The following EPB41L3 variants were observed in gnomAD, a reference collection of about 807,000 sequenced individuals.
The protein encoded by EPB41L3 is band 4.1-like protein 3.
Under a neutral mutation model 127.1 loss-of-function variants are expected in EPB41L3, and 57 were observed. The ratio of observed to expected loss-of-function variants is 0.45; its 90% CI spans 0.36 to 0.56. The LOEUF (loss-of-function observed/expected upper bound fraction) is 0.56. Among genes scored for constraint, EPB41L3 ranks in the 20% least tolerant of loss-of-function variants. The pLI is 0.00. For missense variants in EPB41L3, 1,273 were observed against 1,372.2 expected (o/e 0.93, Z 1.14); for synonymous variants, 572 against 549.5 (o/e 1.04, Z -0.57).
chr18:5,611,204 CAGT>C (rs1189244400), intron 3 of EPB41L3, among the ~76,000 whole-genome samples: 2 of 152,174 alleles, frequency 1.3e-5, no homozygotes, highest in African/African-American at 4.8e-5. Context: ...CACATGTACA[CAGT>C]AGAATTATTT....
At chr18:5,424,965 T>C (rs1048804578) in intron 9 of EPB41L3, among the ~76,000 whole-genome samples, 1 of 152,206 alleles carries the variant, frequency 6.6e-6, no homozygotes, top group Non-Finnish European at 1.5e-5. Flanking sequence ...TATTTTCATA[T>C]TTTTCAGCAT....
intron 3 of EPB41L3, among the ~76,000 whole-genome samples, chr18:5,463,341 C>T (rs1449193469): frequency 1.3e-5 from 2 of 152,190 alleles, no homozygotes; most frequent in South Asian, 2.1e-4. Context: ...TCAAGCTTTC[C>T]TTCCTCCCTG....
intron 3 of EPB41L3, among the ~76,000 whole-genome samples, chr18:5,456,633 T>C (rs189276460): frequency 3.4e-4 from 52 of 152,360 alleles, no homozygotes; most frequent in Middle Eastern, 3.4e-3. Context: ...GTATACTTTT[T>C]GGTTTTTGTT....
chr18:5,544,293 G>C (rs1598876869), upstream of EPB41L3: 1 of 985,500 alleles, frequency 1.0e-6, no homozygotes, highest in African/African-American at 1.7e-5. Context: ...TTCCCACTTA[G>C]ATGATGGCCT....
chr18:5,587,272 C>T (rs1262095251), intron 3 of EPB41L3, among the ~76,000 whole-genome samples: 1 of 152,066 alleles, frequency 6.6e-6, no homozygotes, highest in African/African-American at 2.4e-5. Context: ...TTAGCTTTTG[C>T]ACGTTCTTTT....
intron 1 of EPB41L3, among the ~76,000 whole-genome samples, chr18:5,622,634 A>T (rs1049847449): frequency 6.6e-6 from 1 of 152,210 alleles, no homozygotes; most frequent in African/African-American, 2.4e-5. Context: ...CAACCTAAAA[A>T]AGGCACCCAA....
intron 3 of EPB41L3, among the ~76,000 whole-genome samples, chr18:5,457,527 T>G (rs1182656710): frequency 6.6e-6 from 1 of 152,060 alleles, no homozygotes; most frequent in Non-Finnish European, 1.5e-5. Flanking sequence ...AACTTCTGTT[T>G]TTACCATTGA....
At chr18:5,614,245 C>T (rs2094764966) in intron 2 of EPB41L3, 1 of 152,206 alleles carries the variant, frequency 6.6e-6, no homozygotes, top group Admixed American at 6.5e-5. Context: ...TACTTTTCCA[C>T]CACTTTGATC....
At chr18:5,616,241 A>G (rs2094793922) in intron 1 of EPB41L3, among the ~76,000 whole-genome samples, 1 of 151,752 alleles carries the variant, frequency 6.6e-6, no homozygotes, top group South Asian at 2.1e-4. Context: ...TGCCTGCTGC[A>G]CTCTTTCTCC....
At chr18:5,528,158 T>A (rs1192099319) in intron 1 of EPB41L3, among the ~76,000 whole-genome samples, 1 of 151,850 alleles carries the variant, frequency 6.6e-6, no homozygotes, top group Non-Finnish European at 1.5e-5. Context: ...GATTTAGCAA[T>A]TTAGGGTTGT....
At chr18:5,554,364 T>C (rs886301535) in intron 3 of EPB41L3, among the ~76,000 whole-genome samples, 4 of 152,192 alleles carry the variant, frequency 2.6e-5, no homozygotes, top group African/African-American at 9.6e-5. Context: ...TTATAAAATA[T>C]GGGACTCTTT....
At chr18:5,432,942 T>C (rs920012405) in intron 8 of EPB41L3, among the ~76,000 whole-genome samples, 3 of 152,224 alleles carry the variant, frequency 2.0e-5, no homozygotes, top group South Asian at 2.1e-4. Context: ...GCCTGGTATG[T>C]ATGAAGGTAG....
intron 3 of EPB41L3, among the ~76,000 whole-genome samples, chr18:5,571,956 CTCTTGGCTA>C (rs1394022748): frequency 3.3e-5 from 5 of 152,232 alleles, no homozygotes; most frequent in African/African-American, 1.2e-4. Context: ...CTGCATTTCA[CTCTTGGCTA>C]GACCTGCGTA....
chr18:5,570,024 A>G (rs984788930), intron 3 of EPB41L3, among the ~76,000 whole-genome samples: 37 of 152,308 alleles, frequency 2.4e-4, no homozygotes, highest in Middle Eastern at 6.8e-3. Context: ...ACAAGGAGAT[A>G]TTACACAGTG....
chr18:5,516,277 C>T (rs915463496), intron 1 of EPB41L3, among the ~76,000 whole-genome samples: 1 of 152,164 alleles, frequency 6.6e-6, no homozygotes, highest in Non-Finnish European at 1.5e-5. Context: ...TTTAAAAATG[C>T]CCAGCTTAGA....
intron 3 of EPB41L3, among the ~76,000 whole-genome samples, chr18:5,555,350 G>A (rs2094019190): frequency 6.6e-6 from 1 of 152,152 alleles, no homozygotes; most frequent in African/African-American, 2.4e-5. Flanking sequence ...CAGTGAGTTG[G>A]TAGAGGTGTA....
intron 13 of EPB41L3, among the ~76,000 whole-genome samples, chr18:5,411,263 C>G (rs1598592244): frequency 6.6e-6 from 1 of 152,164 alleles, no homozygotes; most frequent in South Asian, 2.1e-4. Flanking sequence ...TTTTTTAAGA[C>G]TAAATGTTAT....
intron 3 of EPB41L3, among the ~76,000 whole-genome samples, chr18:5,578,925 C>T (rs1220364410): frequency 6.6e-6 from 1 of 152,174 alleles, no homozygotes; most frequent in Non-Finnish European, 1.5e-5. Flanking sequence ...GAGAAACTGG[C>T]ACATGTGCAT....
In EPB41L3 at chr18:5,407,744, C is replaced by A; in HGVS notation, c.2122-8G>T. ...ATCTTCCTCCTGGTCCGACTGCCAG[C>A]ATCAAGAAAGAGTGGGAAATAAAGT... is the stretch of plus-strand genomic sequence containing the variant. On this transcript the variant is annotated splice_polypyrimidine_tract_variant and splice_region_variant and intron_variant, in intron 14 of 22. Coordinates refer to ENST00000341928, the MANE Select transcript of EPB41L3 (RefSeq NM_012307.5). 1 of 1,613,976 alleles carries A rather than the reference C, an allele frequency of 6.2e-7. No individual in the cohort carries two copies. Among genetic ancestry groups the A allele is most frequent in the Non-Finnish European group, 8.5e-7 (1 of 1,179,864 alleles).
Sources: gnomAD v4.1 joint callset for allele counts (sites outside exome capture counted in the v4.1 genomes callset) on GRCh38, gnomAD v4.1.1 for gene constraint, MANE v1.5 for transcripts, NCBI Gene and HGNC (gene_info 2026-07-23, HGNC 2026-07-21) for gene names.